ZBP1: variants seen among roughly 807,000 people sequenced by gnomAD.
ZBP1 encodes Z-DNA binding protein 1.
Under a neutral mutation model 41.1 loss-of-function variants are expected in ZBP1, and 42 were observed. That is an observed-to-expected ratio of 1.02 (90% CI 0.80 to 1.32). ZBP1 has a LOEUF of 1.32. Ranked by LOEUF, ZBP1 falls within the 40% of genes most tolerant of loss-of-function variation. ZBP1 has a pLI of 0.00. For synonymous variants in ZBP1, 214 were observed against 205.2 expected, an observed-to-expected ratio of 1.04 and a Z score of -0.37; for missense variants, 562 against 549.7, an observed-to-expected ratio of 1.02 and a Z score of -0.22.
rs35727707 is a variant in ZBP1 at position 57,604,752 on chromosome 20, T to C, written c.1111A>G (p.Thr371Ala). 1.2e-3 allele frequency: 1,962 copies of C among 1,613,966 alleles called. 45 individuals carry two copies. The Admixed American group carries it at 0.029, about 24-fold the overall frequency. ...CGAGGAAAGTGACTTCTGGATTGTG[T>C]GTCTGCGGGACGACGACCTAGGGAA... ...GEDAGRRPAD[T>A]QSRSHFPRDI... The change falls in exon 8 of 8, where the codon ACA becomes GCA. Residue 371 changes from threonine to alanine, a missense_variant. Transcript: ENST00000371173.
chr20:57,607,847 G>A (rs540398881), intron 7 of ZBP1, among the ~76,000 whole-genome samples: 1 of 152,254 alleles, frequency 6.6e-6, no homozygotes, highest in Admixed American at 6.5e-5. Flanking sequence ...TATGTACATT[G>A]TTTTTTAGAT....
chr20:57,613,505 C>G lies in ZBP1; in HGVS notation c.503-175G>C, dbSNP rs530592837. 1.2e-3 allele frequency among the ~76,000 whole-genome samples: 177 copies of G among 152,306 alleles called. No homozygotes were observed. Among genetic ancestry groups the G allele is most frequent in the Non-Finnish European group, 2.2e-3 (153 of 68,024 alleles). ...GGGTGTTTAACAGACACCACAGGTA[C>G]CTCAGAGGGAGCCTCACTTGAAAAT... On this transcript the variant is annotated intron_variant, in intron 4 of 7. Coordinates refer to ENST00000371173, the MANE Select transcript of ZBP1 (RefSeq NM_030776.3). The surrounding 1 kb of genome is among the most constrained non-coding windows in gnomAD (Gnocchi z 4.5).
chr20:57,613,471 GC>G lies in ZBP1; in HGVS notation c.503-142del. On this transcript the variant is annotated intron_variant, in intron 4 of 7. Transcript: ENST00000371173. The surrounding 1 kb of genome is among the most constrained non-coding windows in gnomAD (Gnocchi z 4.5). ...CCGAGTCAGTAGGGCCAAGTGGGAGGCCAGAGCTGGGTGTTTAACAGACACC... is the reference window on the plus strand; with the variant it reads ...CCGAGTCAGTAGGGCCAAGTGGGAGGCAGAGCTGGGTGTTTAACAGACACC... The G allele has an allele frequency of 2.3e-6, 2 of 865,846 alleles. No homozygotes were observed. The highest frequency in any genetic ancestry group is 1.7e-5 in the African/African-American group (1 of 59,412). 53.6% of individuals were successfully genotyped at this position (865,846 alleles called of 1,614,324 possible). A position where few individuals can be genotyped will look rare whatever the true frequency, so the allele number is the denominator to read the frequency against.
At chr20:57,618,756 A>G (rs922762126) in intron 1 of ZBP1, among the ~76,000 whole-genome samples, 48 of 152,108 alleles carry the variant, frequency 3.2e-4, no homozygotes, top group African/African-American at 1.1e-3. Flanking sequence ...TGATTTTTGT[A>G]TTTTTAGTAG....
chr20:57,609,670 G>T (rs73182772), intron 7 of ZBP1, among the ~76,000 whole-genome samples: 2,060 of 152,162 alleles, frequency 0.014, 25 homozygotes, highest in Non-Finnish European at 0.022. Context: ...AGCAGGCGGG[G>T]CCACCGTGTG....
At chr20:57,605,158 T>C (rs761125097) in intron 7 of ZBP1, among the ~76,000 whole-genome samples, 8 of 150,774 alleles carry the variant, frequency 5.3e-5, no homozygotes, top group Non-Finnish European at 1.2e-4. Flanking sequence ...TTCCAGGCCT[T>C]ACACATCTCA....
chr20:57,609,537 C>T (rs1352697192), intron 7 of ZBP1, among the ~76,000 whole-genome samples: 1 of 151,750 alleles, frequency 6.6e-6, no homozygotes, highest in Non-Finnish European at 1.5e-5. Context: ...CTCTCTCGCC[C>T]CTCTGCTTGC....
chr20:57,614,442 T>C (rs924589350), intron 4 of ZBP1, among the ~76,000 whole-genome samples: 1 of 152,190 alleles, frequency 6.6e-6, no homozygotes, highest in Non-Finnish European at 1.5e-5. Flanking sequence ...TATTGGATCT[T>C]GGCCCTGTGT....
chr20:57,615,347 A>G lies in ZBP1; in HGVS notation c.328+165T>C, dbSNP rs142575627. Among the ~76,000 whole-genome samples the G allele has an allele frequency of 4.8e-3, 730 of 152,186 alleles. 6 individuals are homozygous for G. Among genetic ancestry groups the G allele is most frequent in the African/African-American group, 0.017 (701 of 41,522 alleles). On this transcript the variant is annotated intron_variant, in intron 3 of 7. Coordinates refer to ENST00000371173, the MANE Select transcript of ZBP1 (RefSeq NM_030776.3). ...ACTGCTCAGCCATTCAGATTCTCCCACTGTGAGGGCTGGGTCTTGGCTCTG... is the reference window on the plus strand; with the variant it reads ...ACTGCTCAGCCATTCAGATTCTCCCGCTGTGAGGGCTGGGTCTTGGCTCTG...
At chr20:57,606,912 T>G (rs1009853956) in intron 7 of ZBP1, 14 of 857,806 alleles carry the variant, frequency 1.6e-5, no homozygotes, top group African/African-American at 5.4e-5. Flanking sequence ...CAAAAAAAAA[T>G]TTTTTTTTTA....
intron 7 of ZBP1, among the ~76,000 whole-genome samples, chr20:57,609,696 A>C (rs1195592187): frequency 6.6e-6 from 1 of 152,120 alleles, no homozygotes; most frequent in Non-Finnish European, 1.5e-5. Flanking sequence ...TCTCCACTGC[A>C]GCAGGTCAGC....
At chr20:57,620,219 C>A (rs1204464381) in intron 1 of ZBP1, 43 bp downstream of exon 1, 2 of 1,560,724 alleles carry the variant, frequency 1.3e-6, no homozygotes, top group East Asian at 4.8e-5. Flanking sequence ...GAAATCTCAC[C>A]CCGGGAGCTA....
At chr20:57,614,847 T>A in intron 4 of ZBP1, 40 bp downstream of exon 4, 1 of 1,610,074 alleles carries the variant, frequency 6.2e-7, no homozygotes, top group Non-Finnish European at 8.5e-7. Flanking sequence ...AGTGTCATGG[T>A]TTCCCTCTGC....
chr20:57,616,228 C>T lies in ZBP1; in HGVS notation c.259+16G>A, dbSNP rs2070821530. 6.2e-7 allele frequency: 1 copy of T among 1,613,696 alleles called. No homozygotes were observed. Among genetic ancestry groups the T allele is most frequent in the Non-Finnish European group, 8.5e-7 (1 of 1,179,646 alleles). ...TCCCTGCAGGGTCAGACCCGCCTCC[C>T]CGGGGTGGCAGTTACCAGGGCTGGA... On this transcript the variant is annotated intron_variant, in intron 2 of 7. Transcript: ENST00000371173.
intron 2 of ZBP1, 182 bp downstream of exon 2, chr20:57,616,062 C>T: frequency 1.5e-6 from 1 of 646,498 alleles, no homozygotes; most frequent in South Asian, 1.9e-5. Context: ...CTCAGCAACC[C>T]CTACCAAGCA....
intron 1 of ZBP1, chr20:57,617,867 A>AT (rs1342698775): frequency 2.0e-5 from 3 of 152,074 alleles, no homozygotes. Flanking sequence ...AAAAAAAAAA[A>AT]AAGGACTGAA....
At chr20:57,618,422 TG>T (rs1398562749) in intron 1 of ZBP1, among the ~76,000 whole-genome samples, 1 of 152,162 alleles carries the variant, frequency 6.6e-6, no homozygotes, top group Non-Finnish European at 1.5e-5. Flanking sequence ...TGCCTCACCC[TG>T]ATGGTTACAA....
rs756802189 is a variant in ZBP1, at chr20:57,615,500, G to A, written c.328+12C>T. The stretch of plus-strand genomic sequence containing the variant: ...TGTGTCCCGGGAACTGAAGGGACAT[G>A]CAAAAACTTACCCCGTTGTTGGCTG... On this transcript the variant is annotated intron_variant, in intron 3 of 7. Coordinates refer to ENST00000371173, the MANE Select transcript of ZBP1 (RefSeq NM_030776.3). 1.2e-6 allele frequency: 2 copies of A among 1,613,278 alleles called. No individual in the cohort carries two copies. Among genetic ancestry groups the A allele is most frequent in the Non-Finnish European group, 1.7e-6 (2 of 1,179,694 alleles).
At chr20:57,606,390 C>T (rs1568925298) in intron 7 of ZBP1, among the ~76,000 whole-genome samples, 2 of 152,176 alleles carry the variant, frequency 1.3e-5, no homozygotes, top group East Asian at 3.8e-4. Flanking sequence ...AGAAACCGTC[C>T]CCATAACATG....
Sources: gnomAD v4.1 joint callset for allele counts (sites outside exome capture counted in the v4.1 genomes callset) on GRCh38, gnomAD v4.1.1 for gene constraint, Gnocchi (gnomAD v3.1) non-coding constraint, MANE v1.5 for transcripts, NCBI Gene and HGNC (gene_info 2026-07-23, HGNC 2026-07-21) for gene names.